Variants in PCDH15 observed in about 807,000 individuals in gnomAD.
PCDH15 encodes protocadherin-15.
PCDH15 carries 129 observed loss-of-function variants against 178.5 expected under a neutral mutation model. The observed-to-expected ratio is 0.72, with a 90% CI of 0.63 to 0.84. The LOEUF is 0.84. PCDH15 is among the 40% of genes least tolerant of loss of function. PCDH15 has a pLI of 0.00. For synonymous variants in PCDH15, 800 were observed against 732.0 expected, an observed-to-expected ratio of 1.09 and a Z score of -1.50; for missense variants, 2,230 against 2,099.9, an observed-to-expected ratio of 1.06 and a Z score of -1.21.
chr10:55,523,494 T>C (rs896297703), intron 2 of PCDH15, among the ~76,000 whole-genome samples: 1 of 151,628 alleles, frequency 6.6e-6, no homozygotes, highest in African/African-American at 2.4e-5. Context: ...TTACCTATCG[T>C]TTTTTATGAA....
intron 2 of PCDH15, among the ~76,000 whole-genome samples, chr10:54,543,317 T>C (rs2085470423): frequency 6.6e-6 from 1 of 152,156 alleles, no homozygotes; most frequent in South Asian, 2.1e-4. Flanking sequence ...ATTAAGCTGG[T>C]TAACACAAAT....
intron 8 of PCDH15, among the ~76,000 whole-genome samples, chr10:54,308,648 A>C (rs1332110931): frequency 6.6e-6 from 1 of 151,978 alleles, no homozygotes. Flanking sequence ...TTTTTAAAAA[A>C]TTTACTTTAA....
At chr10:55,069,557 T>C (rs1221568632) in intron 2 of PCDH15, among the ~76,000 whole-genome samples, 1 of 143,280 alleles carries the variant, frequency 7.0e-6, no homozygotes, top group Non-Finnish European at 1.5e-5. Context: ...GATAGTTTAC[T>C]GAGAATGATG....
intron 2 of PCDH15, among the ~76,000 whole-genome samples, chr10:55,096,972 C>G (rs889469609): frequency 2.0e-5 from 3 of 152,014 alleles, no homozygotes; most frequent in Non-Finnish European, 2.9e-5. Context: ...GGTATAATTG[C>G]TAATACCTGT....
At chr10:55,296,413 A>T (rs977268021) in intron 1 of PCDH15, among the ~76,000 whole-genome samples, 1 of 152,208 alleles carries the variant, frequency 6.6e-6, no homozygotes, top group Non-Finnish European at 1.5e-5. Context: ...TCATCTTATT[A>T]GCATAACCTT....
At chr10:54,922,350 G>A (rs867688401) in intron 2 of PCDH15, among the ~76,000 whole-genome samples, 7 of 152,104 alleles carry the variant, frequency 4.6e-5, no homozygotes, top group Admixed American at 1.3e-4. Flanking sequence ...TTGGGTAAAT[G>A]CTCCTATTCC....
intron 13 of PCDH15, among the ~76,000 whole-genome samples, chr10:54,154,506 C>G (rs1034457914): frequency 6.6e-6 from 1 of 152,098 alleles, no homozygotes; most frequent in African/African-American, 2.4e-5. Context: ...CTTCCTTGAT[C>G]AAATGTAAAC....
At chr10:54,641,165 A>C (rs2093978424) in intron 2 of PCDH15, 1 of 194,426 alleles carries the variant, frequency 5.1e-6, no homozygotes, top group Non-Finnish European at 1.1e-5. Context: ...TTAGAAATAA[A>C]GTTTTGTGTG....
chr10:55,549,253 A>G (rs1054373422), intron 2 of PCDH15, among the ~76,000 whole-genome samples: 2 of 152,118 alleles, frequency 1.3e-5, no homozygotes, highest in Non-Finnish European at 2.9e-5. Flanking sequence ...ATTCTCTAAT[A>G]ATATTAACAA....
At chr10:54,098,385 G>A (rs2094742199) in intron 15 of PCDH15, among the ~76,000 whole-genome samples, 1 of 151,820 alleles carries the variant, frequency 6.6e-6, no homozygotes, top group Non-Finnish European at 1.5e-5. Context: ...ATGAATATTG[G>A]ACATGAATAT....
chr10:54,353,666 C>T (rs1308148921), intron 5 of PCDH15, among the ~76,000 whole-genome samples: 2 of 151,448 alleles, frequency 1.3e-5, no homozygotes, highest in Non-Finnish European at 2.9e-5. Context: ...TTTTGTTTGT[C>T]CTTGGTCCAT....
At chr10:54,606,905 A>C (rs914909090) in intron 2 of PCDH15, 1 of 152,084 alleles carries the variant, frequency 6.6e-6, no homozygotes, top group Non-Finnish European at 1.5e-5. Context: ...CCTTATATAG[A>C]TCTGTCTTCT....
At chr10:54,294,145 A>T (rs930394188) in intron 8 of PCDH15, among the ~76,000 whole-genome samples, 1 of 152,224 alleles carries the variant, frequency 6.6e-6, no homozygotes, top group Admixed American at 6.5e-5. Context: ...GCCATAAAAA[A>T]GGATGAGTTA....
rs755478640 is a variant in PCDH15, at chr10:53,966,481, T to C, written c.2869-4589A>G. Among the ~76,000 whole-genome samples, 81 of 152,158 alleles carry C rather than the reference T, an allele frequency of 5.3e-4. 1 individual carries two copies. Among genetic ancestry groups the C allele is most frequent in the Non-Finnish European group, 6.9e-4 (47 of 68,020 alleles). On this transcript the variant is annotated intron_variant, in intron 21 of 37. Transcript: ENST00000644397. ...TCTTTCCAAAGTCTTTTTAAAATAG[T>C]TGCATAAATAAGCTATATAATAGGT...
chr10:55,066,395 TTTTAA>T (rs1158825528), intron 2 of PCDH15, among the ~76,000 whole-genome samples: 4 of 151,124 alleles, frequency 2.6e-5, no homozygotes, highest in Non-Finnish European at 5.9e-5. Flanking sequence ...ATTTATTTTT[TTTTAA>T]TTTGAGTTGT....
intron 8 of PCDH15, among the ~76,000 whole-genome samples, chr10:54,316,100 G>T (rs1407268870): frequency 6.7e-6 from 1 of 150,144 alleles, no homozygotes; most frequent in Non-Finnish European, 1.5e-5. Context: ...ACTTCATTTG[G>T]CTGAAAACAT....
intron 6 of PCDH15, among the ~76,000 whole-genome samples, chr10:54,339,354 G>A (rs1941799134): frequency 7.6e-6 from 1 of 131,624 alleles, no homozygotes. Flanking sequence ...TTACCATGAA[G>A]GCATTAAACA....
intron 15 of PCDH15, among the ~76,000 whole-genome samples, chr10:54,123,004 C>T (rs775452760): frequency 3.3e-5 from 5 of 151,996 alleles, no homozygotes; most frequent in Non-Finnish European, 7.4e-5. Flanking sequence ...CCTTTTACTA[C>T]ATACAAAAAT....
chr10:54,877,938 C>CTT (rs1203452904), intron 3 of PCDH15, among the ~76,000 whole-genome samples: 16 of 8,104 alleles, frequency 2.0e-3, no homozygotes, highest in African/African-American at 6.9e-3. Context: ...CTCTCTCTCT[C>CTT]TTTTTTTTTT....
Sources: allele counts gnomAD v4.1 joint callset (sites outside exome capture counted in the v4.1 genomes callset), GRCh38; gene constraint gnomAD v4.1.1; transcripts MANE v1.5; gene names NCBI Gene and HGNC (gene_info 2026-07-23, HGNC 2026-07-21).